HYDIN: variants seen among roughly 807,000 people sequenced by gnomAD.
HYDIN encodes the protein HYDIN axonemal central pair apparatus protein.
Under a neutral mutation model 403.9 loss-of-function variants are expected in HYDIN, and 132 were observed. The observed-to-expected ratio is 0.33, with a 90% CI of 0.28 to 0.38. The LOEUF is 0.38. Ranked by LOEUF, HYDIN falls within the 10% of genes least tolerant of loss-of-function variation. HYDIN has a pLI of 1.00. For missense variants in HYDIN, 2,827 were observed against 5,009.5 expected (o/e 0.56, Z 13.15); for synonymous variants, 1,202 against 1,891.7 (o/e 0.64, Z 9.46).
chr16:71,050,088 T>C (rs1294968477), intron 18 of HYDIN, among the ~76,000 whole-genome samples: 1 of 147,598 alleles, frequency 6.8e-6, no homozygotes, highest in East Asian at 2.0e-4. Flanking sequence ...ACAGAAAGAA[T>C]GTCAGAGAAG....
At chr16:70,917,583 ATTTAT>A (rs1481032393) in intron 47 of HYDIN, among the ~76,000 whole-genome samples, 3 of 145,948 alleles carry the variant, frequency 2.1e-5, no homozygotes, top group Non-Finnish European at 4.5e-5. Flanking sequence ...TTTTCTTGTG[ATTTAT>A]TCTATTAATT....
At chr16:70,887,519 T>C (rs1178374398) in intron 58 of HYDIN, among the ~76,000 whole-genome samples, 1 of 151,994 alleles carries the variant, frequency 6.6e-6, no homozygotes, top group East Asian at 1.9e-4. Flanking sequence ...CAGAAAAGAA[T>C]ACAGCCCTTC....
intron 1 of HYDIN, among the ~76,000 whole-genome samples, chr16:71,221,518 C>T (rs1292933457): frequency 6.6e-6 from 1 of 151,926 alleles, no homozygotes; most frequent in East Asian, 1.9e-4. Flanking sequence ...TTTCCAAGGA[C>T]AATAAGCAGC....
intron 23 of HYDIN, among the ~76,000 whole-genome samples, chr16:71,009,902 C>T (rs2080020295): frequency 8.3e-6 from 1 of 120,156 alleles, no homozygotes; most frequent in Non-Finnish European, 1.6e-5. Context: ...CTGTCCATAC[C>T]TTGGTTCTGG....
chr16:71,033,927 T>C (rs2081000578), intron 18 of HYDIN, among the ~76,000 whole-genome samples: 1 of 152,104 alleles, frequency 6.6e-6, no homozygotes, highest in Non-Finnish European at 1.5e-5. Context: ...ATTACCAATA[T>C]GCACTGAGAA....
intron 10 of HYDIN, among the ~76,000 whole-genome samples, chr16:71,108,403 G>A (rs2083695329): frequency 6.6e-6 from 1 of 152,078 alleles, no homozygotes; most frequent in Non-Finnish European, 1.5e-5. Context: ...TCCAGGGGAG[G>A]CTGCAGTGAG....
At position 71,163,250 on chromosome 16, in the gene HYDIN, G is replaced by C. The variant is rs529856629; in HGVS notation, c.517-520C>G. Among the ~76,000 whole-genome samples the C allele has an allele frequency of 4.5e-3, 679 of 151,620 alleles. 2 individuals are homozygous for C. Among genetic ancestry groups the C allele is most frequent in the South Asian group, 0.011 (52 of 4,788 alleles). ...CCATTCTCCTGCCTCGGCCTCCCGA[G>C]TAGCTGGGACTAGAGGCACCCGCCA... On this transcript the variant is annotated intron_variant, in intron 5 of 85. Coordinates refer to ENST00000393567, the MANE Select transcript of HYDIN (RefSeq NM_001270974.2).
intron 67 of HYDIN, 71 bp from the exon 68 acceptor site, chr16:70,863,253 T>A: frequency 6.8e-7 from 1 of 1,459,870 alleles, no homozygotes; most frequent in South Asian, 1.3e-5. Flanking sequence ...GCATGTCATC[T>A]ATACTGTACT....
intron 9 of HYDIN, among the ~76,000 whole-genome samples, chr16:71,126,763 T>C (rs1443413773): frequency 1.3e-5 from 2 of 152,214 alleles, no homozygotes; most frequent in Non-Finnish European, 2.9e-5. Context: ...ATTGGAAACA[T>C]TCTCTGTCTC....
At chr16:71,179,257 T>C (rs1729345116) in intron 3 of HYDIN, among the ~76,000 whole-genome samples, 1 of 152,178 alleles carries the variant, frequency 6.6e-6, no homozygotes, top group African/African-American at 2.4e-5. Context: ...AATAGAATAT[T>C]TAACTTTCAA....
At chr16:70,980,737 GA>G (rs747391281) in intron 29 of HYDIN, among the ~76,000 whole-genome samples, 49 of 151,846 alleles carry the variant, frequency 3.2e-4, no homozygotes, top group Non-Finnish European at 5.9e-4. Context: ...CATAAAGAGT[GA>G]GAGGTTTCCC....
chr16:70,821,918 G>C (rs1394212739), intron 83 of HYDIN, among the ~76,000 whole-genome samples: 2 of 152,038 alleles, frequency 1.3e-5, no homozygotes, highest in Non-Finnish European at 2.9e-5. Context: ...TCAGAAAATA[G>C]ATTTCTTTCA....
intron 1 of HYDIN, among the ~76,000 whole-genome samples, chr16:71,225,746 T>C (rs2144772569): frequency 7.0e-6 from 1 of 143,840 alleles, no homozygotes; most frequent in African/African-American, 2.6e-5. Context: ...TTGAATGAGG[T>C]TTAACATTTG....
chr16:70,826,772 T>C (rs2036626626), intron 83 of HYDIN, among the ~76,000 whole-genome samples: 1 of 145,702 alleles, frequency 6.9e-6, no homozygotes, highest in South Asian at 2.1e-4. Flanking sequence ...GATACTTTCT[T>C]TTTTTCTTTT....
intron 69 of HYDIN, 66 bp from the exon 70 acceptor site, chr16:70,860,967 G>A: frequency 9.7e-7 from 1 of 1,032,372 alleles, no homozygotes. Context: ...TTAGTTGGTT[G>A]GAAATGAATC....
intron 40 of HYDIN, among the ~76,000 whole-genome samples, chr16:70,954,452 C>CAA (rs56235375): frequency 1.2e-4 from 8 of 65,852 alleles, no homozygotes; most frequent in African/African-American, 2.7e-4. Context: ...TACCTTGTCT[C>CAA]AAAAAAAAAA....
intron 23 of HYDIN, among the ~76,000 whole-genome samples, chr16:70,994,502 G>C (rs1009311488): frequency 1.3e-5 from 2 of 151,962 alleles, no homozygotes; most frequent in African/African-American, 4.8e-5. Context: ...GATGTCTCTA[G>C]CTGACTTTAC....
intron 58 of HYDIN, among the ~76,000 whole-genome samples, chr16:70,887,677 A>ATTCTT (rs1207074697): frequency 7.3e-5 from 11 of 149,818 alleles, no homozygotes; most frequent in African/African-American, 2.5e-4. Flanking sequence ...AAGTTCACTG[A>ATTCTT]TTCTTTTCTT....
At chr16:70,882,499 C>T (rs1409179925) in intron 60 of HYDIN, among the ~76,000 whole-genome samples, 161 bp downstream of exon 60, 1 of 152,090 alleles carries the variant, frequency 6.6e-6, no homozygotes, top group Non-Finnish European at 1.5e-5. Context: ...AAATGTATCA[C>T]CACTGGCCTA....
Sources: allele counts gnomAD v4.1 joint callset (sites outside exome capture counted in the v4.1 genomes callset), GRCh38; gene constraint gnomAD v4.1.1; transcripts MANE v1.5; gene names NCBI Gene and HGNC (gene_info 2026-07-23, HGNC 2026-07-21).